NCOA1: variants seen among roughly 807,000 people sequenced by gnomAD.
NCOA1 encodes the protein Hin-2 protein.
A neutral mutation model predicts 150.9 loss-of-function variants in NCOA1; 35 were observed. The ratio of observed to expected loss-of-function variants is 0.23; its 90% CI spans 0.18 to 0.31. NCOA1 has a LOEUF of 0.31. Among genes scored for constraint, NCOA1 ranks in the 10% least tolerant of loss-of-function variants. The pLI is 1.00. For missense variants in NCOA1, 1,491 were observed against 1,749.3 expected (o/e 0.85, Z 2.63); for synonymous variants, 590 against 630.0 (o/e 0.94, Z 0.95).
chr2:24,526,870 T>C (rs1379347928), intron 1 of NCOA1, among the ~76,000 whole-genome samples: 1 of 152,112 alleles, frequency 6.6e-6, no homozygotes, highest in East Asian at 1.9e-4. Context: ...AATTTAGTAA[T>C]ACAACAAGAT....
rs561429668 is a variant in NCOA1, at chr2:24,770,215, C to T, written c.*1824C>T. On this transcript the variant is annotated 3_prime_UTR_variant, in exon 23 of 23. Transcript: ENST00000348332. The stretch of plus-strand genomic sequence containing the variant: ...TCCAGCTTGAAAGCCAGCCATATTA[C>T]TCTAGTCCCTACCAAACTGCTCTAG... The T allele has an allele frequency of 4.3e-6, 1 of 231,456 alleles. No individual in the cohort carries two copies. Among genetic ancestry groups the T allele is most frequent in the East Asian group, 6.2e-5 (1 of 16,240 alleles). 14.3% of individuals were successfully genotyped at this position (231,456 alleles called of 1,614,324 possible).
At chr2:24,730,908 C>T (rs187312539) in intron 17 of NCOA1, among the ~76,000 whole-genome samples, 1,854 of 146,358 alleles carry the variant, frequency 0.013, 43 homozygotes, top group African/African-American at 0.045. Flanking sequence ...CATGGTGGCA[C>T]GTGCCTATAA....
chr2:24,768,977 T>G lies in NCOA1; in HGVS notation c.*586T>G, dbSNP rs1214061180. The stretch of plus-strand genomic sequence containing the variant: ...CACATATGTACCCCTTCTCCTTTTT[T>G]TAAAGATGGATTTAAACCAAGATGC... On this transcript the variant is annotated 3_prime_UTR_variant, in exon 23 of 23. Coordinates refer to ENST00000348332, the MANE Select transcript of NCOA1 (RefSeq NM_003743.5). 4.7e-6 allele frequency: 1 copy of G among 213,362 alleles called. No individual in the cohort carries two copies. The highest frequency in any genetic ancestry group is 9.5e-6 in the Non-Finnish European group (1 of 105,360). 13.2% of individuals were successfully genotyped at this position (213,362 alleles called of 1,614,324 possible).
At chr2:24,556,343 C>T (rs1184920943) in intron 1 of NCOA1, among the ~76,000 whole-genome samples, 1 of 152,202 alleles carries the variant, frequency 6.6e-6, no homozygotes, top group Non-Finnish European at 1.5e-5. Context: ...TGTTTCATGG[C>T]TGCATAGTAT....
At chr2:24,601,842 C>G (rs1373627374) in intron 3 of NCOA1, among the ~76,000 whole-genome samples, 2 of 151,386 alleles carry the variant, frequency 1.3e-5, no homozygotes, top group Non-Finnish European at 2.9e-5. Flanking sequence ...CACCGTGTTG[C>G]CCAGGCTGGT....
chr2:24,740,238 T>C (rs1303669415), intron 18 of NCOA1, among the ~76,000 whole-genome samples: 2 of 152,314 alleles, frequency 1.3e-5, no homozygotes, highest in East Asian at 3.9e-4. Flanking sequence ...AGCACCTGTA[T>C]TATTAAAGAG....
intron 3 of NCOA1, among the ~76,000 whole-genome samples, chr2:24,640,801 T>A (rs1286762264): frequency 6.6e-6 from 1 of 152,142 alleles, no homozygotes; most frequent in Non-Finnish European, 1.5e-5. Flanking sequence ...TATATTCTTT[T>A]CCATTTTTTA....
At chr2:24,559,776 C>CG (rs1214804808) in intron 1 of NCOA1, among the ~76,000 whole-genome samples, 1 of 25,390 alleles carries the variant, frequency 3.9e-5, no homozygotes, top group Non-Finnish European at 7.9e-5. Context: ...TACTCCACCA[C>CG]CTGGCAGAGG....
chr2:24,607,722 GT>G (rs1668436170), intron 3 of NCOA1, among the ~76,000 whole-genome samples: 1 of 151,736 alleles, frequency 6.6e-6, no homozygotes, highest in Admixed American at 6.6e-5. Context: ...ACCTACTTTA[GT>G]TTCTTACACT....
intron 22 of NCOA1, chr2:24,767,930 C>A: frequency 1.5e-6 from 1 of 668,284 alleles, no homozygotes; most frequent in South Asian, 2.4e-5. Context: ...GGGCTTCTCC[C>A]AATCTTGGCA....
intron 3 of NCOA1, among the ~76,000 whole-genome samples, chr2:24,602,874 C>T (rs2148361541): frequency 6.6e-6 from 1 of 152,312 alleles, no homozygotes; most frequent in South Asian, 2.1e-4. Context: ...ACTTATTCCT[C>T]TTCCTGCACT....
intron 16 of NCOA1, 122 bp from the exon 17 acceptor site, chr2:24,729,379 A>G (rs1662871112): frequency 2.2e-6 from 2 of 902,188 alleles, no homozygotes; most frequent in Non-Finnish European, 3.4e-6. Flanking sequence ...TTCTTTAGGT[A>G]GTAAACTTCT....
At chr2:24,604,608 A>G (rs568966379) in intron 3 of NCOA1, among the ~76,000 whole-genome samples, 83 of 152,278 alleles carry the variant, frequency 5.5e-4, no homozygotes, top group African/African-American at 1.9e-3. Context: ...CAGCTTCTTC[A>G]TCTCGCTGTC....
chr2:24,715,964 A>G (rs1301360347), intron 14 of NCOA1, among the ~76,000 whole-genome samples: 1 of 152,082 alleles, frequency 6.6e-6, no homozygotes, highest in Non-Finnish European at 1.5e-5. Context: ...AACATGGTGA[A>G]ACCCCGTCTC....
chr2:24,635,297 T>C (rs1669892849), intron 3 of NCOA1, among the ~76,000 whole-genome samples: 1 of 152,100 alleles, frequency 6.6e-6, no homozygotes, highest in Non-Finnish European at 1.5e-5. Flanking sequence ...TTTCTGCCTT[T>C]GTGCAGTCCC....
At chr2:24,582,258 G>C (rs953708364) in intron 2 of NCOA1, among the ~76,000 whole-genome samples, 2 of 152,064 alleles carry the variant, frequency 1.3e-5, no homozygotes, top group African/African-American at 2.4e-5. Flanking sequence ...AACGAATTCA[G>C]TAAAGTTGTA....
At chr2:24,581,172 G>T (rs1667178823) in intron 2 of NCOA1, among the ~76,000 whole-genome samples, 1 of 152,204 alleles carries the variant, frequency 6.6e-6, no homozygotes, top group African/African-American at 2.4e-5. Context: ...ACTGTGTGAT[G>T]GTGAAAGGCC....
At chr2:24,505,487 CT>C (rs1201727331) in intron 1 of NCOA1, among the ~76,000 whole-genome samples, 1 of 152,084 alleles carries the variant, frequency 6.6e-6, no homozygotes, top group Non-Finnish European at 1.5e-5. Flanking sequence ...CTATTTTTTC[CT>C]TTTTAAAATT....
chr2:24,605,522 G>C (rs921331168), intron 3 of NCOA1, among the ~76,000 whole-genome samples: 4 of 152,042 alleles, frequency 2.6e-5, no homozygotes, highest in African/African-American at 9.7e-5. Flanking sequence ...TTTCTACTAT[G>C]AACAATTGAG....
Sources: gnomAD v4.1 joint callset for allele counts (sites outside exome capture counted in the v4.1 genomes callset) on GRCh38, gnomAD v4.1.1 for gene constraint, MANE v1.5 for transcripts, NCBI Gene and HGNC (gene_info 2026-07-23, HGNC 2026-07-21) for gene names.